Variants in CDK6 observed in about 807,000 individuals in gnomAD.
CDK6 encodes the protein cyclin dependent kinase 6.
CDK6 carries 6 observed loss-of-function variants against 37.1 expected under a neutral mutation model. That is an observed-to-expected ratio of 0.16 (90% confidence interval 0.09 to 0.32). The LOEUF (loss-of-function observed/expected upper bound fraction) is 0.32, where lower values mean the gene tolerates loss of function less well. CDK6 is among the 10% of genes least tolerant of loss of function. CDK6 has a pLI of 1.00. For missense variants in CDK6, 224 were observed against 418.9 expected (o/e 0.53, Z 4.06); for synonymous variants, 160 against 161.3 (o/e 0.99, Z 0.06).
rs1221511058 is a variant in CDK6 at position 92,798,447 on chromosome 7, G to C, written c.234-23616C>G. ...TCTAAGTTAACATTTTGATGAAAAA[G>C]GAATTCAACAAATATTAACTGTGTT... On this transcript the variant is annotated intron_variant, in intron 2 of 7. Transcript: ENST00000424848. Among the ~76,000 whole-genome samples the C allele has an allele frequency of 2.0e-5, 3 of 152,124 alleles. No individual in the cohort carries two copies. In the South Asian group the frequency reaches 6.2e-4, roughly 31 times the overall value.
At chr7:92,722,787 T>C (rs1332260450) in intron 4 of CDK6, among the ~76,000 whole-genome samples, 1 of 152,202 alleles carries the variant, frequency 6.6e-6, no homozygotes, top group Non-Finnish European at 1.5e-5. Flanking sequence ...CCTATCAAAA[T>C]AAACAAGGCA....
At chr7:92,711,171 A>C (rs555277194) in intron 4 of CDK6, among the ~76,000 whole-genome samples, 2 of 152,240 alleles carry the variant, frequency 1.3e-5, no homozygotes, top group African/African-American at 4.8e-5. Context: ...ACATAAGCCC[A>C]AAGATGTTCA....
intron 4 of CDK6, among the ~76,000 whole-genome samples, chr7:92,689,604 T>C (rs1280163946): frequency 6.6e-6 from 1 of 152,186 alleles, no homozygotes; most frequent in African/African-American, 2.4e-5. Context: ...TGCACGTGCA[T>C]GTGTCTTTAT....
chr7:92,649,163 C>G (rs969298261), intron 5 of CDK6, among the ~76,000 whole-genome samples: 1 of 152,072 alleles, frequency 6.6e-6, no homozygotes, highest in Admixed American at 6.6e-5. Flanking sequence ...GTCACAGAAA[C>G]CTTTAAGCTC....
intron 2 of CDK6, among the ~76,000 whole-genome samples, chr7:92,786,773 T>G (rs1436911190): frequency 1.3e-5 from 2 of 151,306 alleles, no homozygotes; most frequent in Non-Finnish European, 1.5e-5. Flanking sequence ...ATAATGGTAC[T>G]GATACATCTT....
rs2116474820 is a variant in CDK6 at position 92,614,686 on chromosome 7, A to C, written c.*454T>G. 1 of 215,596 alleles carries C rather than the reference A, an allele frequency of 4.6e-6. No homozygotes were observed. Among genetic ancestry groups the C allele is most frequent in the South Asian group, 2.0e-4 (1 of 4,894 alleles). The allele number at this position is 215,596 out of a possible 1,614,324, so 13.4% of individuals were successfully genotyped here. A position where few individuals can be genotyped will look rare whatever the true frequency, so the allele number is the denominator to read the frequency against. Reference sequence around the variant, plus strand: ...AAGTAACACTTTAAAAGATCACAGAATCTCTCACATACACACACACACACA... The same window carrying C: ...AAGTAACACTTTAAAAGATCACAGACTCTCTCACATACACACACACACACA... On this transcript the variant is annotated 3_prime_UTR_variant, in exon 8 of 8. Transcript: ENST00000424848.
At chr7:92,623,428 G>C (rs1296881395) in intron 5 of CDK6, among the ~76,000 whole-genome samples, 2 of 152,140 alleles carry the variant, frequency 1.3e-5, no homozygotes, top group Non-Finnish European at 2.9e-5. Context: ...CACCATCCTA[G>C]TCTCGAACCA....
At chr7:92,750,404 C>G (rs142407846) in intron 3 of CDK6, among the ~76,000 whole-genome samples, 3 of 152,254 alleles carry the variant, frequency 2.0e-5, no homozygotes, top group Admixed American at 2.0e-4. Flanking sequence ...CTAAAATGGC[C>G]TCCTGAGTAG....
chr7:92,736,906 G>T (rs370912728), intron 3 of CDK6, among the ~76,000 whole-genome samples: 1 of 152,168 alleles, frequency 6.6e-6, no homozygotes, highest in Non-Finnish European at 1.5e-5. Context: ...AGACAAATGT[G>T]ATATATTAAT....
intron 3 of CDK6, among the ~76,000 whole-genome samples, chr7:92,728,604 G>A (rs1798568020): frequency 6.6e-6 from 1 of 152,134 alleles, no homozygotes; most frequent in Non-Finnish European, 1.5e-5. Context: ...TAAAGGTAGA[G>A]TAGATTAAAA....
chr7:92,788,877 GAGGCCTAGGCAAGA>G (rs1336600495), intron 2 of CDK6, among the ~76,000 whole-genome samples: 1 of 152,156 alleles, frequency 6.6e-6, no homozygotes, highest in Non-Finnish European at 1.5e-5. Flanking sequence ...AACACTTTGG[GAGGCCTAGGCAAGA>G]GGACCACTTG....
intron 5 of CDK6, among the ~76,000 whole-genome samples, chr7:92,665,768 C>T (rs1170960849): frequency 6.6e-6 from 1 of 152,110 alleles, no homozygotes. Context: ...CAAATCATTA[C>T]AGAAAAAAAT....
At chr7:92,827,031 A>G (rs1801340668) in intron 2 of CDK6, among the ~76,000 whole-genome samples, 1 of 152,184 alleles carries the variant, frequency 6.6e-6, no homozygotes, top group Non-Finnish European at 1.5e-5. Context: ...CTGTCTTACC[A>G]ATGTTTAATA....
chr7:92,754,531 C>T (rs572556635), intron 3 of CDK6, among the ~76,000 whole-genome samples: 1 of 152,192 alleles, frequency 6.6e-6, no homozygotes, highest in South Asian at 2.1e-4. Context: ...TAATTTCACA[C>T]AGGACCATCT....
chr7:92,758,046 T>C (rs1351767208), intron 3 of CDK6, among the ~76,000 whole-genome samples: 1 of 152,200 alleles, frequency 6.6e-6, no homozygotes, highest in East Asian at 1.9e-4. Context: ...CTGGATATTA[T>C]ACCTTTGTCA....
intron 5 of CDK6, among the ~76,000 whole-genome samples, chr7:92,653,526 C>T (rs758410237): frequency 4.6e-5 from 7 of 152,212 alleles, no homozygotes; most frequent in Non-Finnish European, 1.0e-4. Flanking sequence ...TAAGCCAACC[C>T]TGATGCTCAC....
chr7:92,762,108 G>T (rs1799469187), intron 3 of CDK6, among the ~76,000 whole-genome samples: 1 of 152,070 alleles, frequency 6.6e-6, no homozygotes, highest in African/African-American at 2.4e-5. Context: ...AATATTAAAG[G>T]ACTTGAGGTT....
intron 2 of CDK6, among the ~76,000 whole-genome samples, chr7:92,799,958 G>A (rs149753505): frequency 1.3e-3 from 192 of 152,236 alleles, no homozygotes; most frequent in African/African-American, 4.3e-3. Context: ...TCCTTCTGCT[G>A]TGAATGCTAT....
intron 2 of CDK6, among the ~76,000 whole-genome samples, chr7:92,806,098 ATATGT>A (rs1314960230): frequency 1.3e-5 from 2 of 152,032 alleles, no homozygotes; most frequent in African/African-American, 2.4e-5. Context: ...TATTGACCAC[ATATGT>A]TATGTATATT....
Sources: allele counts gnomAD v4.1 joint callset (sites outside exome capture counted in the v4.1 genomes callset), GRCh38; gene constraint gnomAD v4.1.1; transcripts MANE v1.5; gene names NCBI Gene and HGNC (gene_info 2026-07-23, HGNC 2026-07-21).